DRC11: variants seen among roughly 807,000 people sequenced by gnomAD.
DRC11 encodes the protein dynein regulatory complex subunit 11, also known as IQ and AAA domain-containing protein 1.
At chr2:236,494,239 G>C in the DRC11 span, among the ~76,000 whole-genome samples, 1 of 152,096 alleles carries the variant, frequency 6.6e-6, no homozygotes, top group Non-Finnish European at 1.5e-5. This position sits in a 1 kb window ranked among gnomAD's most constrained non-coding sequence, Gnocchi z 4.2. Context: ...CAGTAGTAAA[G>C]TATTAAGCTG....
the DRC11 span, among the ~76,000 whole-genome samples, chr2:236,447,964 C>G: frequency 3.3e-5 from 5 of 152,094 alleles, no homozygotes; most frequent in Non-Finnish European, 5.9e-5. The surrounding 1 kb of genome is among the most constrained non-coding windows in gnomAD (Gnocchi z 4.6). Flanking sequence ...CAAAACAGTT[C>G]GCAGATAATC....
At chr2:236,316,154 TC>T in the DRC11 span, among the ~76,000 whole-genome samples, 2 of 128,086 alleles carry the variant, frequency 1.6e-5, no homozygotes, top group African/African-American at 8.2e-5. This position sits in a 1 kb window ranked among gnomAD's most constrained non-coding sequence, Gnocchi z 6.8. Flanking sequence ...CTTCTCTCTC[TC>T]TCTCTCTCTC....
At chr2:236,384,550 C>A in the DRC11 span, among the ~76,000 whole-genome samples, 2 of 152,104 alleles carry the variant, frequency 1.3e-5, no homozygotes, top group Non-Finnish European at 2.9e-5. Context: ...ATTGTAGATT[C>A]TGGATATTAG....
At chr2:236,369,921 C>A in the DRC11 span, among the ~76,000 whole-genome samples, 1 of 152,158 alleles carries the variant, frequency 6.6e-6, no homozygotes, top group Non-Finnish European at 1.5e-5. The surrounding 1 kb of genome is among the most constrained non-coding windows in gnomAD (Gnocchi z 4.5). Flanking sequence ...GCCAGGAAAC[C>A]CAGATCAAGA....
At chr2:236,337,307 G>A in the DRC11 span, among the ~76,000 whole-genome samples, 5 of 151,966 alleles carry the variant, frequency 3.3e-5, no homozygotes, top group Non-Finnish European at 7.4e-5. This position sits in a 1 kb window ranked among gnomAD's most constrained non-coding sequence, Gnocchi z 4.9. Context: ...CAGAACGGCC[G>A]CCAGCACTCT....
At chr2:236,356,218 G>A in the DRC11 span, among the ~76,000 whole-genome samples, 6 of 152,174 alleles carry the variant, frequency 3.9e-5, no homozygotes, top group Admixed American at 3.3e-4. Context: ...CCAGGGGGCC[G>A]CTGAAACATT....
chr2:236,363,242 A>C, the DRC11 span, among the ~76,000 whole-genome samples: 1 of 152,190 alleles, frequency 6.6e-6, no homozygotes, highest in Non-Finnish European at 1.5e-5. The surrounding 1 kb of genome is among the most constrained non-coding windows in gnomAD (Gnocchi z 5.6). Flanking sequence ...TGTGATGATA[A>C]AATGGAGACC....
At chr2:236,452,500 T>C in the DRC11 span, among the ~76,000 whole-genome samples, 1 of 152,226 alleles carries the variant, frequency 6.6e-6, no homozygotes, top group South Asian at 2.1e-4. This position sits in a 1 kb window ranked among gnomAD's most constrained non-coding sequence, Gnocchi z 4.7. Flanking sequence ...AAGCAGCTTG[T>C]GCCACTGCAC....
chr2:236,470,046 G>A, the DRC11 span, among the ~76,000 whole-genome samples: 1,457 of 152,242 alleles, frequency 9.6e-3, 30 homozygotes, highest in African/African-American at 0.033. The surrounding 1 kb of genome is among the most constrained non-coding windows in gnomAD (Gnocchi z 5.1). Context: ...AATAATTGAT[G>A]TTGCTGTAAA....
chr2:236,496,256 A>AT, the DRC11 span, among the ~76,000 whole-genome samples: 7 of 152,332 alleles, frequency 4.6e-5, no homozygotes, highest in East Asian at 1.4e-3. The surrounding 1 kb of genome is among the most constrained non-coding windows in gnomAD (Gnocchi z 6.3). Context: ...AGTTATTCTC[A>AT]TTACTCCATT....
chr2:236,503,613 G>C, the DRC11 span: 1 of 1,547,324 alleles, frequency 6.5e-7, no homozygotes, highest in African/African-American at 1.4e-5. This position sits in a 1 kb window ranked among gnomAD's most constrained non-coding sequence, Gnocchi z 4.9. Context: ...GAAAGCACAC[G>C]GATCCCTGCA....
At chr2:236,438,857 T>C in the DRC11 span, among the ~76,000 whole-genome samples, 8 of 151,820 alleles carry the variant, frequency 5.3e-5, no homozygotes, top group African/African-American at 1.9e-4. Context: ...ACAGAAATTA[T>C]AACAAACTAT....
At chr2:236,497,386 A>G in the DRC11 span, 1 of 1,613,946 alleles carries the variant, frequency 6.2e-7, no homozygotes, top group East Asian at 2.2e-5. This position sits in a 1 kb window ranked among gnomAD's most constrained non-coding sequence, Gnocchi z 5.1. Flanking sequence ...TGTTTGAAAG[A>G]TGAAAACCTG....
At chr2:236,417,713 T>G in the DRC11 span, among the ~76,000 whole-genome samples, 2 of 152,086 alleles carry the variant, frequency 1.3e-5, no homozygotes, top group African/African-American at 4.8e-5. Flanking sequence ...TTTGTCCTAA[T>G]GCTCTCTCTC....
the DRC11 span, chr2:236,377,249 AATG>A: frequency 8.4e-6 from 8 of 954,110 alleles, no homozygotes; most frequent in Middle Eastern, 2.1e-4. This position sits in a 1 kb window ranked among gnomAD's most constrained non-coding sequence, Gnocchi z 4.9. Context: ...TATTTCTGTT[AATG>A]ATCACATACG....
chr2:236,344,122 A>T, the DRC11 span, among the ~76,000 whole-genome samples: 1 of 152,266 alleles, frequency 6.6e-6, no homozygotes, highest in East Asian at 1.9e-4. Flanking sequence ...GAAGCAATTG[A>T]AAAAGGACTC....
the DRC11 span, among the ~76,000 whole-genome samples, chr2:236,381,939 CTCT>C: frequency 6.6e-6 from 1 of 151,704 alleles, no homozygotes; most frequent in Non-Finnish European, 1.5e-5. This position sits in a 1 kb window ranked among gnomAD's most constrained non-coding sequence, Gnocchi z 5.8. Flanking sequence ...TCTTTTTATC[CTCT>C]TAACAGGGTC....
At chr2:236,368,327 A>G in the DRC11 span, 30 of 1,392,012 alleles carry the variant, frequency 2.2e-5, no homozygotes, top group Non-Finnish European at 3.0e-5. Context: ...ACAGAGGAAC[A>G]ATAAATGGAA....
the DRC11 span, among the ~76,000 whole-genome samples, chr2:236,499,289 C>T: frequency 6.6e-6 from 1 of 152,298 alleles, no homozygotes; most frequent in African/African-American, 2.4e-5. This position sits in a 1 kb window ranked among gnomAD's most constrained non-coding sequence, Gnocchi z 4.7. Flanking sequence ...TCAGCCCTGT[C>T]CCAGAAGAAC....
Sources: allele counts gnomAD v4.1 joint callset (sites outside exome capture counted in the v4.1 genomes callset), GRCh38; gene constraint gnomAD v4.1.1; non-coding constraint Gnocchi (gnomAD v3.1); transcripts MANE v1.5; gene names NCBI Gene and HGNC (gene_info 2026-07-23, HGNC 2026-07-21).